CACNA2D3: variants seen among roughly 807,000 people sequenced by gnomAD.
CACNA2D3 encodes calcium voltage-gated channel auxiliary subunit alpha2delta 3, also known as voltage-dependent calcium channel subunit alpha-2/delta-3.
Under a neutral mutation model 160.6 loss-of-function variants are expected in CACNA2D3, and 60 were observed. The observed-to-expected ratio is 0.37, with a 90% CI of 0.30 to 0.46. The LOEUF is 0.46. CACNA2D3 is among the 20% of genes least tolerant of loss of function. The probability of loss-of-function intolerance (pLI) is 1.00; values close to 1 mark genes in which losing one functional copy is unlikely to be tolerated. For missense variants in CACNA2D3, 1,205 were observed against 1,365.0 expected, an observed-to-expected ratio of 0.88 and a Z score of 1.85; for synonymous variants, 558 against 492.9, an observed-to-expected ratio of 1.13 and a Z score of -1.75.
At chr3:55,056,440 C>T (rs1195079561) in intron 35 of CACNA2D3, among the ~76,000 whole-genome samples, 2 of 152,122 alleles carry the variant, frequency 1.3e-5, no homozygotes, top group African/African-American at 4.8e-5. Context: ...AAGTTGTAGC[C>T]ATCCTACTTC....
chr3:54,814,467 G>A lies in CACNA2D3; in HGVS notation c.1381-2386G>A, dbSNP rs930381032. On this transcript the variant is annotated intron_variant, in intron 13 of 37. Coordinates refer to ENST00000474759, the MANE Select transcript of CACNA2D3 (RefSeq NM_018398.3). ...TGCACGCAAGTCATGAATGCTGGGTGACAATGTGTTGGGGAGCCAGCTCCC... is the reference window on the plus strand; with the variant it reads ...TGCACGCAAGTCATGAATGCTGGGTAACAATGTGTTGGGGAGCCAGCTCCC... Among the ~76,000 whole-genome samples the A allele has an allele frequency of 4.3e-4, 65 of 152,222 alleles. 1 individual carries two copies. The highest frequency in any genetic ancestry group is 1.2e-4 in the Non-Finnish European group (8 of 68,032).
chr3:54,940,536 A>G (rs959165320), intron 27 of CACNA2D3, among the ~76,000 whole-genome samples: 3 of 152,166 alleles, frequency 2.0e-5, no homozygotes, highest in Admixed American at 6.5e-5. Flanking sequence ...CTCTGACACC[A>G]GTCCGTAAAG....
chr3:54,564,929 T>C (rs1702385586), intron 6 of CACNA2D3, among the ~76,000 whole-genome samples: 1 of 152,158 alleles, frequency 6.6e-6, no homozygotes, highest in Non-Finnish European at 1.5e-5. Context: ...GCAAAGTCAT[T>C]TGGAATTTGA....
intron 11 of CACNA2D3, among the ~76,000 whole-genome samples, chr3:54,673,926 G>C (rs572599994): frequency 6.6e-6 from 1 of 152,186 alleles, no homozygotes; most frequent in Non-Finnish European, 1.5e-5. Context: ...AGAGGCAGAA[G>C]AAAGCCTCAT....
chr3:54,222,709 G>T (rs546767359), intron 2 of CACNA2D3, among the ~76,000 whole-genome samples: 31 of 152,234 alleles, frequency 2.0e-4, no homozygotes, highest in African/African-American at 7.5e-4. Context: ...GTTATTGATT[G>T]CTACCTTAAT....
intron 27 of CACNA2D3, among the ~76,000 whole-genome samples, chr3:54,925,887 A>G (rs560069427): frequency 2.0e-4 from 31 of 152,358 alleles, no homozygotes; most frequent in South Asian, 4.1e-4. Context: ...TGCCGTTGTA[A>G]TTCCATGAAC....
chr3:54,985,292 C>A (rs1474459104), intron 30 of CACNA2D3, among the ~76,000 whole-genome samples: 1 of 152,066 alleles, frequency 6.6e-6, no homozygotes, highest in African/African-American at 2.4e-5. Context: ...GACTTGAGCA[C>A]AGAAATCTCC....
At chr3:54,350,991 T>TTTTTTTTTTTTTTTTTTTTTTTTTTTTG (rs1698551366) in intron 3 of CACNA2D3, among the ~76,000 whole-genome samples, 1 of 100,060 alleles carries the variant, frequency 1.0e-5, no homozygotes, top group Non-Finnish European at 2.1e-5. Context: ...TGTTTGTTTT[T>TTTTTTTTTTTTTTTTTTTTTTTTTTTTG]TTTTTTTTTT....
chr3:54,977,349 C>T (rs1467179), intron 29 of CACNA2D3, among the ~76,000 whole-genome samples: 34,152 of 151,956 alleles, frequency 0.22, 4,065 homozygotes, highest in African/African-American at 0.3. Context: ...GCTTCCTGTG[C>T]GATTGGAGCT....
At chr3:54,167,654 A>G (rs1374825923) in intron 2 of CACNA2D3, among the ~76,000 whole-genome samples, 1 of 152,158 alleles carries the variant, frequency 6.6e-6, no homozygotes, top group East Asian at 1.9e-4. Flanking sequence ...CTTGTTTACC[A>G]CCTTCATTAC....
chr3:54,859,984 A>G lies in CACNA2D3; in HGVS notation c.1627-11555A>G, dbSNP rs1442065188. Among the ~76,000 whole-genome samples, 320 of 150,542 alleles carry G rather than the reference A, an allele frequency of 2.1e-3. 2 individuals are homozygous for G. The highest frequency in any genetic ancestry group is 6.6e-3 in the African/African-American group (269 of 40,842). On this transcript the variant is annotated intron_variant, in intron 17 of 37. Coordinates refer to ENST00000474759, the MANE Select transcript of CACNA2D3 (RefSeq NM_018398.3). ...CTGGAAAGTAGATGCACACACACACACACACACACACACACACACACACAC... is the reference window on the plus strand; with the variant it reads ...CTGGAAAGTAGATGCACACACACACGCACACACACACACACACACACACAC...
intron 32 of CACNA2D3, among the ~76,000 whole-genome samples, chr3:55,006,524 A>G (rs1449752170): frequency 2.6e-5 from 4 of 152,252 alleles, no homozygotes; most frequent in African/African-American, 7.2e-5. Flanking sequence ...GCAAAACCGC[A>G]GGACTGCAAA....
intron 5 of CACNA2D3, among the ~76,000 whole-genome samples, chr3:54,514,957 A>G (rs1701523900): frequency 6.6e-6 from 1 of 152,192 alleles, no homozygotes; most frequent in African/African-American, 2.4e-5. Flanking sequence ...TACTGTAGAA[A>G]AAGAAAGCCG....
intron 2 of CACNA2D3, among the ~76,000 whole-genome samples, chr3:54,287,781 A>T (rs1483714136): frequency 6.7e-6 from 1 of 149,040 alleles, no homozygotes; most frequent in African/African-American, 2.5e-5. Flanking sequence ...CTCACTAAAA[A>T]CCGCTCAACT....
chr3:54,151,091 A>T (rs912007757), intron 2 of CACNA2D3, among the ~76,000 whole-genome samples: 8 of 151,554 alleles, frequency 5.3e-5, no homozygotes, highest in Non-Finnish European at 8.8e-5. Flanking sequence ...GGATGCAGGG[A>T]TGCATTAATG....
intron 4 of CACNA2D3, among the ~76,000 whole-genome samples, chr3:54,400,718 G>T (rs528822211): frequency 4.7e-4 from 72 of 152,140 alleles, no homozygotes; most frequent in Middle Eastern, 3.4e-3. Context: ...TACCAAATTG[G>T]CACAGTAAGA....
At chr3:54,889,044 G>T (rs1699995437) in intron 24 of CACNA2D3, among the ~76,000 whole-genome samples, 1 of 152,204 alleles carries the variant, frequency 6.6e-6, no homozygotes. Flanking sequence ...GGTTTGGGCA[G>T]CATTCCAGGA....
chr3:54,559,441 C>T (rs553206514), intron 5 of CACNA2D3, among the ~76,000 whole-genome samples: 60 of 152,188 alleles, frequency 3.9e-4, no homozygotes, highest in African/African-American at 1.3e-3. Context: ...TACAGACGCC[C>T]GCCACCACGC....
intron 2 of CACNA2D3, among the ~76,000 whole-genome samples, chr3:54,222,314 T>C (rs1271328157): frequency 1.3e-5 from 2 of 152,158 alleles, no homozygotes; most frequent in African/African-American, 2.4e-5. Context: ...GCTAGTAGGC[T>C]TGAGACCCAG....
Sources: allele counts gnomAD v4.1 joint callset (sites outside exome capture counted in the v4.1 genomes callset), GRCh38; gene constraint gnomAD v4.1.1; transcripts MANE v1.5; gene names NCBI Gene and HGNC (gene_info 2026-07-23, HGNC 2026-07-21).